Variants in ERC2 observed in about 807,000 individuals in gnomAD.
ERC2 encodes the protein ERC protein 2.
Under a neutral mutation model 114.8 loss-of-function variants are expected in ERC2, and 42 were observed. The ratio of observed to expected loss-of-function variants is 0.37; its 90% CI spans 0.29 to 0.47. ERC2 has a LOEUF of 0.47. ERC2 is among the 20% of genes least tolerant of loss of function. The pLI is 0.99. For synonymous variants in ERC2, 454 were observed against 425.5 expected (o/e 1.07, Z -0.82); for missense variants, 939 against 1,150.7 (o/e 0.82, Z 2.66).
At chr3:55,806,697 T>C (rs1267248864) in intron 14 of ERC2, among the ~76,000 whole-genome samples, 4 of 152,082 alleles carry the variant, frequency 2.6e-5, no homozygotes, top group African/African-American at 9.7e-5. Flanking sequence ...CAACAAAGAA[T>C]TGTCCAGCCC....
intron 14 of ERC2, among the ~76,000 whole-genome samples, chr3:55,851,223 T>C (rs944207567): frequency 1.3e-5 from 2 of 149,344 alleles, no homozygotes; most frequent in Non-Finnish European, 3.0e-5. Flanking sequence ...AGGATGAGAA[T>C]GCACATGGTA....
chr3:55,755,697 G>A (rs1235887569), intron 14 of ERC2, among the ~76,000 whole-genome samples: 3 of 152,058 alleles, frequency 2.0e-5, no homozygotes. Flanking sequence ...TGCCAATGCT[G>A]CCTGCCAAAC....
chr3:55,958,650 G>A (rs1053790031), intron 12 of ERC2, among the ~76,000 whole-genome samples: 20 of 152,190 alleles, frequency 1.3e-4, no homozygotes, highest in Admixed American at 7.2e-4. Flanking sequence ...ACCTGTGCTC[G>A]TCAGCACCCA....
chr3:55,685,644 G>A (rs1197325263), intron 16 of ERC2, among the ~76,000 whole-genome samples: 1 of 152,082 alleles, frequency 6.6e-6, no homozygotes, highest in African/African-American at 2.4e-5. Context: ...GAATGTTGTT[G>A]AGTATGTGTG....
In ERC2 at chr3:55,546,676, C is replaced by G. The variant is rs548618610; in HGVS notation, c.*40-35400G>C. ...CGAGGTGTTGAGGCTCCTCCCATTT[C>G]ATGAATGAGAAAACTGAGGTTCGGT... On this transcript the variant is annotated intron_variant, in intron 17 of 17. Transcript: ENST00000288221. 2.0e-5 allele frequency among the ~76,000 whole-genome samples: 3 copies of G among 152,342 alleles called. No individual in the cohort carries two copies. In the South Asian group the frequency reaches 6.2e-4, roughly 32 times the overall value.
chr3:56,095,744 A>G (rs1350397460), intron 6 of ERC2, among the ~76,000 whole-genome samples: 3 of 152,190 alleles, frequency 2.0e-5, no homozygotes, highest in African/African-American at 7.2e-5. Context: ...CAGAAAATTA[A>G]TTGATTGCCT....
intron 6 of ERC2, among the ~76,000 whole-genome samples, chr3:56,082,945 GAGGTGGAACAAT>G (rs2077313698): frequency 1.3e-5 from 2 of 152,142 alleles, no homozygotes; most frequent in African/African-American, 4.8e-5. Flanking sequence ...CTGATGATCT[GAGGTGGAACAAT>G]TTCATTCCTA....
chr3:55,969,771 T>C (rs1017930481), intron 12 of ERC2, among the ~76,000 whole-genome samples: 2 of 152,180 alleles, frequency 1.3e-5, no homozygotes, highest in Admixed American at 6.5e-5. Flanking sequence ...TTATATGACA[T>C]ACGATGACAG....
chr3:55,930,607 G>C (rs532356303), intron 13 of ERC2, among the ~76,000 whole-genome samples: 3 of 152,260 alleles, frequency 2.0e-5, no homozygotes, highest in Non-Finnish European at 4.4e-5. Flanking sequence ...ATTAGCTCAA[G>C]ATGGATTAAA....
Position 56,451,612 on chromosome 3 carries a change from G to A in ERC2, c.-140-16465C>T, listed in dbSNP as rs138321501. Among the ~76,000 whole-genome samples the A allele has an allele frequency of 7.0e-3, 1,070 of 152,316 alleles. 23 individuals carry two copies. Among genetic ancestry groups the A allele is most frequent in the African/African-American group, 0.025 (1,021 of 41,572 alleles). On this transcript the variant is annotated intron_variant, in intron 1 of 17. Transcript: ENST00000288221. ...AACCCCCTTAACAATGGAAATTAGAGTAAATGAGAGTCAGTAAGTGCAGTA... is the reference window on the plus strand; with the variant it reads ...AACCCCCTTAACAATGGAAATTAGAATAAATGAGAGTCAGTAAGTGCAGTA...
chr3:55,813,923 T>C (rs1413731214), intron 14 of ERC2, among the ~76,000 whole-genome samples: 1 of 152,184 alleles, frequency 6.6e-6, no homozygotes, highest in African/African-American at 2.4e-5. Flanking sequence ...CTTCTTCTCA[T>C]GTAACCCTCT....
At chr3:56,332,364 G>A (rs1205844363) in intron 2 of ERC2, among the ~76,000 whole-genome samples, 1 of 152,114 alleles carries the variant, frequency 6.6e-6, no homozygotes, top group African/African-American at 2.4e-5. Context: ...ATTTGTTACT[G>A]AACACCTGCT....
At chr3:55,672,605 CTAA>C (rs1315808894) in intron 17 of ERC2, among the ~76,000 whole-genome samples, 1 of 152,154 alleles carries the variant, frequency 6.6e-6, no homozygotes, top group Admixed American at 6.5e-5. Flanking sequence ...GGCATTTTCT[CTAA>C]ACTGGCAAGG....
chr3:55,821,261 T>C (rs2060111167), intron 14 of ERC2, among the ~76,000 whole-genome samples: 1 of 152,088 alleles, frequency 6.6e-6, no homozygotes. Context: ...CAAAAGTTAT[T>C]CCCCATGTTA....
chr3:56,144,051 G>A (rs1276735192), intron 5 of ERC2, among the ~76,000 whole-genome samples: 5 of 152,218 alleles, frequency 3.3e-5, no homozygotes, highest in Non-Finnish European at 5.9e-5. Flanking sequence ...AGGATTGGTA[G>A]TGGCTAAACA....
At chr3:55,560,325 A>G (rs560137516) in intron 17 of ERC2, among the ~76,000 whole-genome samples, 1 of 152,350 alleles carries the variant, frequency 6.6e-6, no homozygotes, top group African/African-American at 2.4e-5. Flanking sequence ...TGCTCAAGAA[A>G]TGATCTTAGA....
At chr3:56,241,760 C>T (rs1486332155) in intron 3 of ERC2, among the ~76,000 whole-genome samples, 3 of 152,172 alleles carry the variant, frequency 2.0e-5, no homozygotes, top group African/African-American at 7.2e-5. Flanking sequence ...AAAGCACACA[C>T]TCTAACACTA....
At chr3:56,414,872 A>G (rs890057820) in intron 2 of ERC2, among the ~76,000 whole-genome samples, 1 of 152,292 alleles carries the variant, frequency 6.6e-6, no homozygotes, top group East Asian at 1.9e-4. Context: ...AACATTTCGA[A>G]TTTAAAAATG....
chr3:56,342,015 T>A (rs2058108112), intron 2 of ERC2, among the ~76,000 whole-genome samples: 1 of 152,214 alleles, frequency 6.6e-6, no homozygotes, highest in Non-Finnish European at 1.5e-5. Context: ...CTATTACCAA[T>A]GATCTTAGAA....
Sources: gnomAD v4.1 joint callset for allele counts (sites outside exome capture counted in the v4.1 genomes callset) on GRCh38, gnomAD v4.1.1 for gene constraint, MANE v1.5 for transcripts, NCBI Gene and HGNC (gene_info 2026-07-23, HGNC 2026-07-21) for gene names.